Variants in NECAB1 observed in about 807,000 individuals in gnomAD.
NECAB1 encodes N-terminal EF-hand calcium binding protein 1.
In NECAB1, 29 loss-of-function variants were observed where a neutral mutation model predicts 57.5. The ratio of observed to expected loss-of-function variants is 0.50; its 90% CI spans 0.38 to 0.69. NECAB1 has a LOEUF of 0.69. NECAB1 is among the 30% of genes least tolerant of loss of function. The pLI is 0.00. For synonymous variants in NECAB1, 142 were observed against 147.7 expected (o/e 0.96, Z 0.28); for missense variants, 372 against 413.8 (o/e 0.90, Z 0.88).
intron 11 of NECAB1, among the ~76,000 whole-genome samples, 187 bp downstream of exon 11, chr8:90,950,071 C>G (rs1284660304): frequency 1.3e-5 from 2 of 152,136 alleles, no homozygotes; most frequent in Admixed American, 6.6e-5. Flanking sequence ...CCACTTCTCT[C>G]TTGAAGTACA....
At chr8:90,891,541 A>G (rs1809168275) in intron 5 of NECAB1, among the ~76,000 whole-genome samples, 1 of 152,068 alleles carries the variant, frequency 6.6e-6, no homozygotes, top group Admixed American at 6.6e-5. Context: ...CCCATATATA[A>G]AAAAATGTAA....
intron 5 of NECAB1, among the ~76,000 whole-genome samples, chr8:90,914,819 CTTAGAG>C (rs954442307): frequency 6.6e-6 from 1 of 152,176 alleles, no homozygotes; most frequent in Non-Finnish European, 1.5e-5. Context: ...GCAATAAATT[CTTAGAG>C]TTAGGAGTGT....
intron 10 of NECAB1, among the ~76,000 whole-genome samples, chr8:90,945,288 G>A (rs1016315586): frequency 3.3e-5 from 5 of 152,052 alleles, no homozygotes; most frequent in Non-Finnish European, 7.4e-5. Context: ...GGCTGGTCGC[G>A]AACCTCCGAC....
At chr8:90,887,090 T>A (rs886862910) in intron 5 of NECAB1, among the ~76,000 whole-genome samples, 1 of 152,188 alleles carries the variant, frequency 6.6e-6, no homozygotes, top group African/African-American at 2.4e-5. Context: ...CCATCTTGAG[T>A]AGCTGTTCTG....
At chr8:90,907,147 T>TGAGA (rs1310639488) in intron 5 of NECAB1, among the ~76,000 whole-genome samples, 220 of 106,572 alleles carry the variant, frequency 2.1e-3, no homozygotes, top group Middle Eastern at 4.9e-3. Flanking sequence ...TGTGTGTGTG[T>TGAGA]GTGTGAGAGA....
chr8:90,855,606 A>G (rs987122041), intron 3 of NECAB1, among the ~76,000 whole-genome samples: 1 of 152,244 alleles, frequency 6.6e-6, no homozygotes, highest in African/African-American at 2.4e-5. Context: ...AGAGAACAAT[A>G]ACAGCCTGGA....
Position 90,815,144 on chromosome 8 carries a change from T to C in NECAB1, c.125-9573T>C, listed in dbSNP as rs568874383. On this transcript the variant is annotated intron_variant, in intron 2 of 12. Coordinates refer to ENST00000417640, the MANE Select transcript of NECAB1 (RefSeq NM_022351.5). ...GCCACCTATTTACATAATTGTTTAA[T>C]CCCAGTCTACATGTGTACCAGTATC... 6.0e-3 allele frequency among the ~76,000 whole-genome samples: 909 copies of C among 152,178 alleles called. 6 individuals are homozygous for C. Among genetic ancestry groups the C allele is most frequent in the African/African-American group, 0.02 (845 of 41,542 alleles).
chr8:90,955,140 A>AC (rs1811007425), intron 12 of NECAB1, among the ~76,000 whole-genome samples: 1 of 128,648 alleles, frequency 7.8e-6, no homozygotes, highest in South Asian at 2.3e-4. Context: ...ATATATATAT[A>AC]TATATATATG....
chr8:90,828,642 G>A (rs1039116793), intron 3 of NECAB1, among the ~76,000 whole-genome samples: 12 of 151,942 alleles, frequency 7.9e-5, no homozygotes, highest in African/African-American at 2.9e-4. Flanking sequence ...TGAAGGCATG[G>A]GAAACCCAGC....
intron 2 of NECAB1, among the ~76,000 whole-genome samples, chr8:90,810,975 T>C (rs1354703559): frequency 1.3e-5 from 2 of 150,818 alleles, no homozygotes; most frequent in African/African-American, 2.4e-5. Context: ...TGAGACAGAG[T>C]CTTGCTCTGT....
At chr8:90,804,826 A>G (rs1430181071) in intron 2 of NECAB1, among the ~76,000 whole-genome samples, 1 of 152,212 alleles carries the variant, frequency 6.6e-6, no homozygotes, top group Middle Eastern at 3.2e-3. Context: ...CAAGTATGCC[A>G]CCTAGGAACC....
At chr8:90,869,812 G>A (rs1808588827) in intron 3 of NECAB1, among the ~76,000 whole-genome samples, 1 of 152,136 alleles carries the variant, frequency 6.6e-6, no homozygotes, top group Admixed American at 6.5e-5. Context: ...TAAGACTTGG[G>A]GGACTGTTAG....
intron 5 of NECAB1, 68 bp from the exon 6 acceptor site, chr8:90,917,424 G>GAA: frequency 7.6e-5 from 93 of 1,216,400 alleles, no homozygotes; most frequent in South Asian, 1.1e-4. Flanking sequence ...CATGGTAAAA[G>GAA]AAAAAAAAAA....
chr8:90,809,757 T>C (rs947062712), intron 2 of NECAB1, among the ~76,000 whole-genome samples: 1 of 152,224 alleles, frequency 6.6e-6, no homozygotes, highest in Admixed American at 6.5e-5. Flanking sequence ...TGAATATCTG[T>C]TGATCTAGTA....
chr8:90,894,990 G>T (rs1465372071), intron 5 of NECAB1, among the ~76,000 whole-genome samples: 4 of 152,142 alleles, frequency 2.6e-5, no homozygotes, highest in Non-Finnish European at 5.9e-5. Context: ...AAGCACAGGG[G>T]CTTGTTTCTG....
chr8:90,950,474 G>A (rs1435390464), intron 11 of NECAB1, among the ~76,000 whole-genome samples: 1 of 152,156 alleles, frequency 6.6e-6, no homozygotes, highest in Non-Finnish European at 1.5e-5. Flanking sequence ...AGAAATGTTT[G>A]CTCTTCTGAG....
chr8:90,923,888 A>T (rs1810193579), intron 6 of NECAB1, among the ~76,000 whole-genome samples: 2 of 152,216 alleles, frequency 1.3e-5, no homozygotes, highest in African/African-American at 4.8e-5. Context: ...TCAGTCCAAG[A>T]GGTCTACTGT....
intron 2 of NECAB1, among the ~76,000 whole-genome samples, chr8:90,802,609 T>C (rs1179898486): frequency 8.5e-5 from 13 of 152,198 alleles, no homozygotes; most frequent in Admixed American, 8.5e-4. Flanking sequence ...AGAGTCCAGA[T>C]CTGACAGTTT....
intron 10 of NECAB1, among the ~76,000 whole-genome samples, chr8:90,943,304 T>G (rs1299483094): frequency 6.6e-6 from 1 of 152,226 alleles, no homozygotes; most frequent in Non-Finnish European, 1.5e-5. Flanking sequence ...GCCTCTCTGT[T>G]TACTTTGCAA....
Sources: allele counts gnomAD v4.1 joint callset (sites outside exome capture counted in the v4.1 genomes callset), GRCh38; gene constraint gnomAD v4.1.1; transcripts MANE v1.5; gene names NCBI Gene and HGNC (gene_info 2026-07-23, HGNC 2026-07-21).